The following CCSER1 variants were observed in gnomAD, a reference collection of about 807,000 sequenced individuals.
CCSER1 encodes the protein serine-rich coiled-coil domain-containing protein 1.
A neutral mutation model predicts 82.0 loss-of-function variants in CCSER1; 41 were observed. The observed-to-expected ratio is 0.50, with a 90% confidence interval of 0.39 to 0.65. CCSER1 has a LOEUF of 0.65. CCSER1 is among the 30% of genes least tolerant of loss of function. The pLI is 0.00. For missense variants in CCSER1, 1,119 were observed against 1,064.2 expected, an observed-to-expected ratio of 1.05 and a Z score of -0.72; for synonymous variants, 414 against 383.9, an observed-to-expected ratio of 1.08 and a Z score of -0.92.
At chr4:90,861,926 A>ATTTTTTT (rs70963087) in intron 8 of CCSER1, among the ~76,000 whole-genome samples, 1 of 125,684 alleles carries the variant, frequency 8.0e-6, no homozygotes, top group African/African-American at 2.8e-5. Flanking sequence ...ATATATATAT[A>ATTTTTTT]TTTTTTTTTT....
intron 1 of CCSER1, among the ~76,000 whole-genome samples, chr4:90,177,494 T>C (rs1466289700): frequency 6.6e-6 from 1 of 152,110 alleles, no homozygotes; most frequent in East Asian, 1.9e-4. Context: ...GGAATACTAT[T>C]GATGGCGTAC....
At chr4:90,858,649 TAATG>T (rs1422024463) in intron 8 of CCSER1, among the ~76,000 whole-genome samples, 1 of 151,832 alleles carries the variant, frequency 6.6e-6, no homozygotes, top group Non-Finnish European at 1.5e-5. Flanking sequence ...TAAAGGAAAA[TAATG>T]AATAAAATCT....
chr4:90,769,984 C>T (rs1017940095), intron 7 of CCSER1, among the ~76,000 whole-genome samples: 13 of 152,114 alleles, frequency 8.5e-5, no homozygotes, highest in South Asian at 4.1e-4. Context: ...TATGATACAA[C>T]GGAACTGATG....
chr4:91,585,553 ATG>A (rs1763947331), intron 10 of CCSER1, among the ~76,000 whole-genome samples: 1 of 151,496 alleles, frequency 6.6e-6, no homozygotes, highest in African/African-American at 2.4e-5. Flanking sequence ...TATAAAGAGA[ATG>A]TATAGGTTGT....
intron 10 of CCSER1, among the ~76,000 whole-genome samples, chr4:91,151,798 C>G (rs1730234127): frequency 6.6e-6 from 1 of 152,078 alleles, no homozygotes; most frequent in Admixed American, 6.6e-5. Flanking sequence ...GTTAGTTTCT[C>G]AATCTTGAGT....
intron 7 of CCSER1, chr4:90,781,280 T>G (rs1753740026): frequency 1.0e-6 from 1 of 985,122 alleles, no homozygotes; most frequent in Non-Finnish European, 1.2e-6. Flanking sequence ...ACTTTTATTC[T>G]CTACAGAAAC....
intron 9 of CCSER1, among the ~76,000 whole-genome samples, chr4:90,972,867 C>T (rs1171109270): frequency 6.6e-6 from 1 of 151,690 alleles, no homozygotes; most frequent in Non-Finnish European, 1.5e-5. Flanking sequence ...CATTTGTAGT[C>T]AACTGATCTT....
At chr4:90,155,168 A>G (rs1414982618) in intron 1 of CCSER1, among the ~76,000 whole-genome samples, 1 of 152,156 alleles carries the variant, frequency 6.6e-6, no homozygotes, top group Non-Finnish European at 1.5e-5. Context: ...TTCTGTTTAT[A>G]CGCTGGATTA....
chr4:91,579,171 T>C (rs563394149), intron 10 of CCSER1, among the ~76,000 whole-genome samples: 63 of 151,762 alleles, frequency 4.2e-4, no homozygotes, highest in African/African-American at 1.2e-3. Flanking sequence ...CACATGAGGA[T>C]GGATAGCTTT....
At chr4:91,274,227 G>A (rs981435263) in intron 10 of CCSER1, among the ~76,000 whole-genome samples, 3 of 151,726 alleles carry the variant, frequency 2.0e-5, no homozygotes, top group Non-Finnish European at 4.4e-5. Flanking sequence ...CATATGTATG[G>A]GGTACATGTG....
intron 10 of CCSER1, among the ~76,000 whole-genome samples, chr4:91,498,279 A>C (rs916817724): frequency 6.6e-6 from 1 of 151,936 alleles, no homozygotes; most frequent in Non-Finnish European, 1.5e-5. Context: ...TAATTCAGTA[A>C]TTTTTGCCAG....
At chr4:90,705,287 A>T (rs1001859568) in intron 6 of CCSER1, among the ~76,000 whole-genome samples, 3 of 152,200 alleles carry the variant, frequency 2.0e-5, no homozygotes, top group Non-Finnish European at 4.4e-5. Flanking sequence ...GCAGAACAGC[A>T]AATATTGCTG....
chr4:91,431,763 G>A (rs943368454), intron 10 of CCSER1, among the ~76,000 whole-genome samples: 2 of 151,982 alleles, frequency 1.3e-5, no homozygotes, highest in Admixed American at 1.3e-4. Flanking sequence ...CACCAAGCCC[G>A]GCCTCTTCCC....
At chr4:90,892,670 G>T (rs924063278) in intron 8 of CCSER1, among the ~76,000 whole-genome samples, 1 of 151,696 alleles carries the variant, frequency 6.6e-6, no homozygotes, top group African/African-American at 2.4e-5. Flanking sequence ...TTTTCTTGTG[G>T]TGTTTAACAG....
At chr4:90,644,770 C>T (rs1203805042) in intron 6 of CCSER1, among the ~76,000 whole-genome samples, 3 of 151,948 alleles carry the variant, frequency 2.0e-5, no homozygotes, top group Non-Finnish European at 4.4e-5. Context: ...CTTCCAGCTC[C>T]ATCTATGTCC....
chr4:90,929,421 A>C, intron 9 of CCSER1, among the ~76,000 whole-genome samples: 1 of 152,228 alleles, frequency 6.6e-6, no homozygotes, highest in African/African-American at 2.4e-5. Context: ...ATGAAGTATT[A>C]AACTCAAATC....
In CCSER1 at chr4:91,418,583, A is replaced by G. The variant is rs528631088; in HGVS notation, c.2218-179989A>G. On this transcript the variant is annotated intron_variant, in intron 10 of 10. Coordinates refer to ENST00000509176, the MANE Select transcript of CCSER1 (RefSeq NM_001145065.2). ...GGGTAAGGAGATTGAATCAGTAATC[A>G]AAGAAACACCCAACAATGAAAACCT... 2.6e-5 allele frequency among the ~76,000 whole-genome samples: 4 copies of G among 152,168 alleles called. No homozygotes were observed. In the East Asian group the frequency reaches 7.7e-4, roughly 29 times the overall value.
chr4:90,612,387 A>G (rs1785641810), intron 5 of CCSER1, among the ~76,000 whole-genome samples: 1 of 152,190 alleles, frequency 6.6e-6, no homozygotes, highest in Admixed American at 6.6e-5. Context: ...TAATCACAGA[A>G]AGCAGCCATC....
intron 8 of CCSER1, among the ~76,000 whole-genome samples, chr4:90,821,920 A>G (rs1197608999): frequency 6.6e-6 from 1 of 152,134 alleles, no homozygotes; most frequent in Admixed American, 6.5e-5. Flanking sequence ...GGTGAAGTGT[A>G]GTCTTGTGTT....
Sources: gnomAD v4.1 joint callset for allele counts (sites outside exome capture counted in the v4.1 genomes callset) on GRCh38, gnomAD v4.1.1 for gene constraint, MANE v1.5 for transcripts, NCBI Gene and HGNC (gene_info 2026-07-23, HGNC 2026-07-21) for gene names.